Variants in NOTCH1 observed in about 807,000 individuals in gnomAD.
NOTCH1 encodes notch receptor 1.
NOTCH1 carries 37 observed loss-of-function variants against 254.8 expected under a neutral mutation model. The ratio of observed to expected loss-of-function variants is 0.15; its 90% confidence interval spans 0.11 to 0.19. NOTCH1 has a LOEUF of 0.19. Among genes scored for constraint, NOTCH1 ranks in the 10% least tolerant of loss-of-function variants. The pLI is 1.00. For synonymous variants in NOTCH1, 1,731 were observed against 1,618.1 expected (o/e 1.07, Z -1.68); for missense variants, 2,972 against 3,708.6 (o/e 0.80, Z 5.16).
At position 136,508,260 on chromosome 9, in the gene NOTCH1, C is replaced by G. The variant is rs2133347163; in HGVS notation, c.3297G>C (p.Val1099=). The G allele has an allele frequency of 6.2e-7, 1 of 1,612,582 alleles. No homozygotes were observed. The highest frequency in any genetic ancestry group is 8.5e-7 in the Non-Finnish European group (1 of 1,179,896). ...WTGLYCDVPS[V]SCEVAAQRQG... ...GTCGCTGCGCAGCCACCTCACAGGA[C>G]ACGCTGGGCACGTCGCAGTAAAGGC... The change falls in exon 20 of 34, where the codon GTG becomes GTC. Residue 1099 remains valine, a synonymous_variant. Coordinates refer to ENST00000651671, the MANE Select transcript of NOTCH1 (RefSeq NM_017617.5).
rs761604720 is a variant in NOTCH1, at chr9:136,511,159, G to A, written c.2580C>T (p.Gly860=). ...GGCCCTGGCCAGCCTCACCTTGCCA[G>A]CCCGTGGGGCAGACACAGGAGAAGC... The part of the protein sequence containing the change: ...YESFSCVCPT[G]WQGQTCEVDI... The change falls in exon 16 of 34, where the codon GGC becomes GGT. Residue 860 remains glycine (G), a synonymous_variant. Transcript: ENST00000651671. 1 of 1,612,940 alleles carries A rather than the reference G, an allele frequency of 6.2e-7. No homozygotes were observed. Among genetic ancestry groups the A allele is most frequent in the Non-Finnish European group, 8.5e-7 (1 of 1,179,998 alleles).
In NOTCH1 at chr9:136,503,339, ACAAT is replaced by A. The variant is rs374419074; in HGVS notation, c.5019-13_5019-10del. 3.5e-4 allele frequency: 571 copies of A among 1,612,550 alleles called. 4 individuals carry two copies. The African/African-American group carries it at 7.0e-3, about 20-fold the overall frequency. Reference sequence around the variant, plus strand: ...CCAGGTAGACGATGGAGCTGGGCGGACAATCAGAGAGGGGCTGGGACCCGAGGCT... The same window carrying A: ...CCAGGTAGACGATGGAGCTGGGCGGACAGAGAGGGGCTGGGACCCGAGGCT... On this transcript the variant is annotated splice_polypyrimidine_tract_variant and intron_variant, in intron 26 of 33. Transcript: ENST00000651671.
chr9:136,521,506 G>C (rs550207588), intron 4 of NOTCH1, among the ~76,000 whole-genome samples: 1 of 152,266 alleles, frequency 6.6e-6, no homozygotes, highest in East Asian at 1.9e-4. Flanking sequence ...CACACAGGTG[G>C]CCTTGGACAA....
chr9:136,495,471 T>C lies in NOTCH1; in HGVS notation c.*600A>G. The stretch of plus-strand genomic sequence containing the variant: ...AACATCTAACCCATATGCTTTCACT[T>C]GTTTCCTATTTCAGATGCAAATTAA... On this transcript the variant is annotated 3_prime_UTR_variant, in exon 34 of 34. Transcript: ENST00000651671. The C allele has an allele frequency of 5.0e-6, 2 of 399,516 alleles. No homozygotes were observed. Among genetic ancestry groups the C allele is most frequent in the East Asian group, 7.1e-5 (2 of 28,224 alleles). The allele number at this position is 399,516 out of a possible 1,614,324, so 24.7% of individuals were successfully genotyped here. A position where few individuals can be genotyped will look rare whatever the true frequency, so the allele number is the denominator to read the frequency against.
At chr9:136,524,212 A>G (rs1352888883) in intron 2 of NOTCH1, among the ~76,000 whole-genome samples, 1 of 152,234 alleles carries the variant, frequency 6.6e-6, no homozygotes, top group Admixed American at 6.5e-5. Context: ...AGGCTGAAGC[A>G]GGAGAATCAC....
intron 19 of NOTCH1, 92 bp from the exon 20 acceptor site, chr9:136,508,477 C>T: frequency 1.3e-6 from 2 of 1,566,594 alleles, no homozygotes; most frequent in Non-Finnish European, 8.7e-7. Flanking sequence ...CTACTCCAAC[C>T]CAGGCTGCAA....
At position 136,497,547 on chromosome 9, in the gene NOTCH1, G is replaced by A. The variant is rs1232916828; in HGVS notation, c.6192C>T (p.Pro2064=). 4 of 1,602,930 alleles carry A rather than the reference G, an allele frequency of 2.5e-6. No individual in the cohort carries two copies. Among genetic ancestry groups the A allele is most frequent in the Non-Finnish European group, 2.6e-6 (3 of 1,175,484 alleles). ...TGCCCTCCCGGGCGGCCAGAAACAG[G>A]GGTGTCTCCTCCTGGGGGATGAGGG... ...KDMQNNREET[P]LFLAAREGSY... Residue 2064 remains proline, a synonymous_variant, in exon 34 of 34, where the codon CCC becomes CCT. Transcript: ENST00000651671.
At chr9:136,498,374 G>C (rs1019413322) in intron 33 of NOTCH1, among the ~76,000 whole-genome samples, 3 of 152,158 alleles carry the variant, frequency 2.0e-5, no homozygotes, top group Admixed American at 6.5e-5. Context: ...GCTCCCCTTG[G>C]ATATAGTCCT....
chr9:136,530,023 G>A (rs1008479953), intron 2 of NOTCH1, among the ~76,000 whole-genome samples: 3 of 152,242 alleles, frequency 2.0e-5, no homozygotes, highest in Non-Finnish European at 2.9e-5. Flanking sequence ...AGGGCCCCAG[G>A]AAGGAGGAAA....
intron 1 of NOTCH1, among the ~76,000 whole-genome samples, chr9:136,544,851 A>G (rs1843789314): frequency 6.6e-6 from 1 of 151,964 alleles, no homozygotes; most frequent in Non-Finnish European, 1.5e-5. Flanking sequence ...CCCCATCTCG[A>G]GAAGGGATCA....
At chr9:136,523,215 T>C (rs759369475) in intron 3 of NOTCH1, 27 bp from the exon 4 acceptor site, 1 of 1,570,850 alleles carries the variant, frequency 6.4e-7, no homozygotes, top group Non-Finnish European at 8.6e-7. Flanking sequence ...AAGAGGGTCG[T>C]GCTGGCCTCA....
In NOTCH1 at chr9:136,504,745, T is replaced by C. The variant is rs2133335941; in HGVS notation, c.4946A>G (p.Lys1649Arg). Reference protein sequence around the residue: ...AAPDALLGQVKASLLPGGSEG... With the variant: ...AAPDALLGQVRASLLPGGSEG... ...GCTGCCACCAGGGAGCAGCGAGGCC[T>C]TCACCTGGCCCAGCAGGGCGTCAGG... The change falls in exon 26 of 34, where the codon AAG becomes AGG. Residue 1649 changes from lysine to arginine, a missense_variant. Around this residue, in one of 8 missense-constraint regions of NOTCH1, gnomAD observed 1,343 missense variants for 1,557.0 expected, o/e 0.86. Coordinates refer to ENST00000651671, the MANE Select transcript of NOTCH1 (RefSeq NM_017617.5). The C allele has an allele frequency of 6.5e-7, 1 of 1,546,740 alleles. No individual in the cohort carries two copies. Among genetic ancestry groups the C allele is most frequent in the Non-Finnish European group, 8.7e-7 (1 of 1,145,238 alleles).
chr9:136,508,158 T>A lies in NOTCH1; in HGVS notation c.3326-19A>T, dbSNP rs762683509. 1 of 1,607,826 alleles carries A rather than the reference T, an allele frequency of 6.2e-7. No individual in the cohort carries two copies. Among genetic ancestry groups the A allele is most frequent in the East Asian group, 2.2e-5 (1 of 44,834 alleles). The stretch of plus-strand genomic sequence containing the variant: ...TCAACACCTGCGGGGGATGGGGTGG[T>A]AGACAGGTGAGGCCCAGGCCCACAG... On this transcript the variant is annotated intron_variant, in intron 20 of 33. Transcript: ENST00000651671.
At chr9:136,500,194 T>G in intron 31 of NOTCH1, among the ~76,000 whole-genome samples, 1 of 152,224 alleles carries the variant, frequency 6.6e-6, no homozygotes, top group Non-Finnish European at 1.5e-5. Context: ...GCAGCCAAGG[T>G]TGAGGGAGGG....
chr9:136,535,833 A>C (rs939645156), intron 2 of NOTCH1, among the ~76,000 whole-genome samples: 3 of 43,508 alleles, frequency 6.9e-5, no homozygotes, highest in Admixed American at 3.9e-4. Flanking sequence ...GGGTGGGTGG[A>C]GGGGGGATCA....
rs2133353135 is a variant in NOTCH1 at position 136,510,705 on chromosome 9, C to A, written c.2688G>T (p.Gln896His). Reference protein sequence around the residue: ...NTHGGYRCHCQAGYSGRNCET... With the variant: ...NTHGGYRCHCHAGYSGRNCET... ...CGCAGTTGCGCCCACTGTAGCCGGC[C>A]TGGCAGTGGCAGCGGTAGCCGCCGT... The change falls in exon 17 of 34, where the codon CAG becomes CAT. Residue 896 changes from glutamine to histidine, a missense_variant. Around this residue, in one of 8 missense-constraint regions of NOTCH1, gnomAD observed 1,343 missense variants for 1,557.0 expected, o/e 0.86. Transcript: ENST00000651671. 1 of 1,610,514 alleles carries A rather than the reference C, an allele frequency of 6.2e-7. No individual in the cohort carries two copies. Among genetic ancestry groups the A allele is most frequent in the Non-Finnish European group, 8.5e-7 (1 of 1,179,762 alleles).
At chr9:136,518,437 CG>C in intron 6 of NOTCH1, 145 bp from the exon 7 acceptor site, 1 of 1,198,912 alleles carries the variant, frequency 8.3e-7, no homozygotes, top group South Asian at 1.3e-5. Context: ...TGGGACGTTC[CG>C]GGGGACTCAC....
Position 136,505,086 on chromosome 9 carries a change from G to A in NOTCH1, c.4605C>T (p.Tyr1535=), listed in dbSNP as rs2133337813. 6.2e-7 allele frequency: 1 copy of A among 1,610,002 alleles called. No homozygotes were observed. The highest frequency in any genetic ancestry group is 8.5e-7 in the Non-Finnish European group (1 of 1,179,658). ...EGQCNPLYDQ[Y]CKDHFSDGHC... Reference sequence around the variant, plus strand: ...GCCCGTCGCTGAAGTGGTCCTTGCAGTACTGGTCGTACAGGGGGCTGTGGG... The same window carrying A: ...GCCCGTCGCTGAAGTGGTCCTTGCAATACTGGTCGTACAGGGGGCTGTGGG... Residue 1535 remains tyrosine, a synonymous_variant, in exon 26 of 34, where the codon TAC becomes TAT. Transcript: ENST00000651671.
Position 136,501,998 on chromosome 9 carries a change from C to T in NOTCH1, c.5472+3G>A, listed in dbSNP as rs2133329703. On this transcript the variant is annotated splice_donor_region_variant and intron_variant, in intron 29 of 33. Coordinates refer to ENST00000651671, the MANE Select transcript of NOTCH1 (RefSeq NM_017617.5). Reference sequence around the variant, plus strand: ...CCAGGAGCCCGGGAGCCTCGCGACTCACCCGGAACTTCTTGGTCTCCAGGT... The same window carrying T: ...CCAGGAGCCCGGGAGCCTCGCGACTTACCCGGAACTTCTTGGTCTCCAGGT... 6.2e-7 allele frequency: 1 copy of T among 1,612,876 alleles called. No homozygotes were observed. Among genetic ancestry groups the T allele is most frequent in the Non-Finnish European group, 8.5e-7 (1 of 1,179,946 alleles).
Sources: allele counts gnomAD v4.1 joint callset (sites outside exome capture counted in the v4.1 genomes callset), GRCh38; gene constraint gnomAD v4.1.1; regional missense constraint gnomAD v4.1.1; transcripts MANE v1.5; gene names NCBI Gene and HGNC (gene_info 2026-07-23, HGNC 2026-07-21).